Variants in RBM33 observed in about 807,000 individuals in gnomAD.
The protein encoded by RBM33 is RNA binding motif protein 33.
RBM33 carries 28 observed loss-of-function variants against 132.6 expected under a neutral mutation model. The ratio of observed to expected loss-of-function variants is 0.21; its 90% CI spans 0.16 to 0.29. RBM33 has a LOEUF of 0.29. Ranked by LOEUF, RBM33 falls within the 10% of genes least tolerant of loss-of-function variation. The pLI is 1.00. For missense variants in RBM33, 1,291 were observed against 1,518.5 expected (o/e 0.85, Z 2.49); for synonymous variants, 634 against 593.0 (o/e 1.07, Z -1.01).
intron 6 of RBM33, 53 bp from the exon 7 acceptor site, chr7:155,706,807 C>T: frequency 7.0e-7 from 1 of 1,424,286 alleles, no homozygotes; most frequent in Non-Finnish European, 9.6e-7. Flanking sequence ...CTCCCTAGAC[C>T]TCCAGTTTGG....
chr7:155,653,234 C>T (rs1049757882), intron 1 of RBM33, among the ~76,000 whole-genome samples: 6 of 152,110 alleles, frequency 3.9e-5, no homozygotes, highest in Admixed American at 6.6e-5. Context: ...GGAATTGCCA[C>T]GCCAGTCCTT....
chr7:155,698,920 A>T (rs1383633333), intron 5 of RBM33, among the ~76,000 whole-genome samples: 2 of 152,250 alleles, frequency 1.3e-5, no homozygotes, highest in East Asian at 1.9e-4. Flanking sequence ...AGGACATTTA[A>T]GTGTTTCCAG....
At chr7:155,712,178 A>G (rs1800324299) in intron 8 of RBM33, among the ~76,000 whole-genome samples, 1 of 152,250 alleles carries the variant, frequency 6.6e-6, no homozygotes, top group Non-Finnish European at 1.5e-5. Flanking sequence ...CTTTGGTTCC[A>G]GGCAGCATGC....
chr7:155,713,572 G>T (rs1296876445), intron 8 of RBM33, among the ~76,000 whole-genome samples: 1 of 152,166 alleles, frequency 6.6e-6, no homozygotes, highest in Non-Finnish European at 1.5e-5. Context: ...CCACGGGCTG[G>T]CAGGGCTGCT....
At chr7:155,668,181 C>A (rs1440958112) in intron 2 of RBM33, among the ~76,000 whole-genome samples, 1 of 152,094 alleles carries the variant, frequency 6.6e-6, no homozygotes, top group Non-Finnish European at 1.5e-5. Context: ...TGTATACACA[C>A]ATATTTTAAA....
rs1036516980 is a variant in RBM33 at position 155,740,021 on chromosome 7, C to T, written c.2044C>T (p.Arg682Trp). 25 of 1,542,798 alleles carry T rather than the reference C, an allele frequency of 1.6e-5. No homozygotes were observed. Among genetic ancestry groups the T allele is most frequent in the Admixed American group, 3.8e-5 (2 of 52,684 alleles). ...GCAGTGCCCCCAGCGCCAGGGGCTC[C>T]GGCATGTAAGTGTCAAGGGGTGTCT... ...RMQCPQRQGL[R>W]HNTTSQNVSK... is the part of the protein sequence containing the mutation. The change falls in exon 12 of 18, where the codon CGG becomes TGG. Residue 682 changes from arginine (R) to tryptophan (W), a missense_variant. By Grantham distance (101) the Arg-to-Trp change is moderately radical. Around this residue, in one of 7 missense-constraint regions of RBM33, gnomAD observed 841 missense variants for 912.0 expected, o/e 0.92. Transcript: ENST00000401878.
intron 13 of RBM33, among the ~76,000 whole-genome samples, chr7:155,744,054 C>T (rs777010472): frequency 7.2e-5 from 11 of 152,288 alleles, no homozygotes; most frequent in South Asian, 2.1e-4. Flanking sequence ...GGGCTGGCAC[C>T]GGGCACTCAA....
intron 5 of RBM33, chr7:155,685,117 G>A (rs1585435500): frequency 1.3e-6 from 2 of 1,489,348 alleles, no homozygotes; most frequent in Non-Finnish European, 1.8e-6. Context: ...CTTAAAATGA[G>A]CATCTTTTTA....
At chr7:155,706,713 C>T in intron 6 of RBM33, 147 bp from the exon 7 acceptor site, 1 of 626,790 alleles carries the variant, frequency 1.6e-6, no homozygotes, top group Non-Finnish European at 2.8e-6. Context: ...TTGTATCGTA[C>T]TTGCCGCTGC....
At chr7:155,754,257 AC>A (rs1394494552) in intron 14 of RBM33, among the ~76,000 whole-genome samples, 4 of 152,156 alleles carry the variant, frequency 2.6e-5, no homozygotes, top group African/African-American at 9.6e-5. Flanking sequence ...TCACTCACCC[AC>A]CCCAGCCAGA....
At chr7:155,748,949 C>T (rs1585525276) in intron 14 of RBM33, among the ~76,000 whole-genome samples, 1 of 151,934 alleles carries the variant, frequency 6.6e-6, no homozygotes. Context: ...TGCGTTTTGC[C>T]GTTGGCTGCT....
chr7:155,757,544 T>C (rs550313260), intron 14 of RBM33, among the ~76,000 whole-genome samples: 7 of 152,234 alleles, frequency 4.6e-5, no homozygotes, highest in African/African-American at 1.4e-4. Flanking sequence ...TTTCAAAATA[T>C]GTTAGTGTAA....
At chr7:155,759,004 G>T in intron 14 of RBM33, among the ~76,000 whole-genome samples, 1 of 151,942 alleles carries the variant, frequency 6.6e-6, no homozygotes, top group Non-Finnish European at 1.5e-5. Flanking sequence ...ATGAGCAGAG[G>T]TGGCACTAGG....
Position 155,739,834 on chromosome 7 carries a change from C to G in RBM33, c.1857C>G (p.His619Gln). The G allele has an allele frequency of 1.5e-6, 2 of 1,336,684 alleles. No homozygotes were observed. The highest frequency in any genetic ancestry group is 2.1e-6 in the Non-Finnish European group (2 of 971,444). The allele number at this position is 1,336,684 out of a possible 1,614,324, so 82.8% of individuals were successfully genotyped here. Residue 619 changes from histidine (H) to glutamine (Q), a missense_variant, in exon 12 of 18, where the codon CAC becomes CAG. Transcript: ENST00000401878. ...HQPPHQPPPQ[H>Q]QPPPQHPPQH... The stretch of plus-strand genomic sequence containing the variant: ...CCCCGCACCAGCCCCCGCCCCAGCA[C>G]CAGCCCCCACCCCAGCACCCACCAC...
intron 6 of RBM33, 39 bp from the exon 7 acceptor site, chr7:155,706,821 C>G (rs1207247984): frequency 8.5e-6 from 13 of 1,521,102 alleles, no homozygotes; most frequent in Non-Finnish European, 1.1e-5. Flanking sequence ...AGTTTGGGCT[C>G]TCGGAAAGTA....
intron 6 of RBM33, among the ~76,000 whole-genome samples, chr7:155,702,028 C>G (rs1186988916): frequency 6.6e-6 from 1 of 152,170 alleles, no homozygotes; most frequent in Non-Finnish European, 1.5e-5. Flanking sequence ...AATGCTGCTC[C>G]TGCACTGGTG....
chr7:155,713,904 G>A (rs1800381949), intron 8 of RBM33, among the ~76,000 whole-genome samples: 1 of 152,102 alleles, frequency 6.6e-6, no homozygotes, highest in Non-Finnish European at 1.5e-5. Flanking sequence ...GAGGAGCAGG[G>A]AGTCCTCCAC....
intron 6 of RBM33, among the ~76,000 whole-genome samples, chr7:155,705,098 G>A (rs1188476688): frequency 6.6e-6 from 1 of 152,180 alleles, no homozygotes; most frequent in Non-Finnish European, 1.5e-5. Context: ...ACAGTGCAGT[G>A]TAAACTTTGT....
At chr7:155,770,852 C>T (rs556265970) in intron 16 of RBM33, among the ~76,000 whole-genome samples, 3 of 152,250 alleles carry the variant, frequency 2.0e-5, no homozygotes, top group South Asian at 2.1e-4. Context: ...GGAAGCTTTT[C>T]GCTGCCAGGT....
Sources: gnomAD v4.1 joint callset for allele counts (sites outside exome capture counted in the v4.1 genomes callset) on GRCh38, gnomAD v4.1.1 for gene constraint, gnomAD v4.1.1 regional missense constraint, MANE v1.5 for transcripts, NCBI Gene and HGNC (gene_info 2026-07-23, HGNC 2026-07-21) for gene names.